The following LIPC variants were observed in gnomAD, a reference collection of about 807,000 sequenced individuals.
LIPC encodes the protein lipase C, hepatic type.
LIPC carries 44 observed loss-of-function variants against 50.7 expected under a neutral mutation model. That is an observed-to-expected ratio of 0.87 (90% CI 0.68 to 1.11). The LOEUF (loss-of-function observed/expected upper bound fraction) is 1.11, where lower values mean the gene tolerates loss of function less well. LIPC is among the 50% of genes most tolerant of loss of function. LIPC has a pLI of 0.00. For synonymous variants in LIPC, 271 were observed against 256.4 expected, an observed-to-expected ratio of 1.06 and a Z score of -0.54; for missense variants, 697 against 648.2, an observed-to-expected ratio of 1.08 and a Z score of -0.82.
chr15:58,542,122 C>T (rs1893351992), intron 3 of LIPC, among the ~76,000 whole-genome samples, 155 bp downstream of exon 3: 1 of 152,130 alleles, frequency 6.6e-6, no homozygotes, highest in African/African-American at 2.4e-5. Flanking sequence ...GACACCAGAC[C>T]CCAGGGCTCT....
chr15:58,511,292 G>A (rs895010217), intron 1 of LIPC, among the ~76,000 whole-genome samples: 1 of 152,122 alleles, frequency 6.6e-6, no homozygotes, highest in Admixed American at 6.5e-5. Context: ...CTCTGTCTCG[G>A]GGATCTGCCT....
chr15:58,508,693 A>C (rs1595907539), intron 1 of LIPC, among the ~76,000 whole-genome samples: 1 of 149,950 alleles, frequency 6.7e-6, no homozygotes, highest in Non-Finnish European at 1.5e-5. Flanking sequence ...TACGACTGAC[A>C]TAGTCCCCAA....
intron 8 of LIPC, 86 bp downstream of exon 8, chr15:58,563,809 A>G: frequency 9.2e-7 from 1 of 1,087,048 alleles, no homozygotes; most frequent in Non-Finnish European, 1.4e-6. Flanking sequence ...CACATTCATC[A>G]TGTGAGGTGA....
intron 6 of LIPC, among the ~76,000 whole-genome samples, chr15:58,554,045 C>T (rs2055566643): frequency 6.6e-6 from 1 of 151,874 alleles, no homozygotes; most frequent in African/African-American, 2.4e-5. Flanking sequence ...GTCATAATAT[C>T]TCCCAGAGCC....
chr15:58,507,898 AG>A (rs1316608807), intron 1 of LIPC, among the ~76,000 whole-genome samples: 1 of 152,156 alleles, frequency 6.6e-6, no homozygotes, highest in Non-Finnish European at 1.5e-5. Context: ...AATGATTTTT[AG>A]GGGGAGACGA....
chr15:58,526,090 ACTT>A (rs1362543727), intron 1 of LIPC, among the ~76,000 whole-genome samples: 2 of 152,218 alleles, frequency 1.3e-5, no homozygotes, highest in South Asian at 2.1e-4. Flanking sequence ...CCACTGGGCA[ACTT>A]CTTCTCAGAA....
rs546866581 is a variant in LIPC at position 58,447,628 on chromosome 15, T to A, written c.88+15508T>A. On this transcript the variant is annotated intron_variant, in intron 1 of 8. Coordinates refer to ENST00000299022, the MANE Select transcript of LIPC (RefSeq NM_000236.3). ...GTTTTAAGTTCTCCCAGCTTCAAAT[T>A]GTGCTTTCCAGGCCAGAGCTTCTCA... Among the ~76,000 whole-genome samples, 183 of 152,320 alleles carry A rather than the reference T, an allele frequency of 1.2e-3. 1 individual carries two copies. Among genetic ancestry groups the A allele is most frequent in the African/African-American group, 4.1e-3 (172 of 41,568 alleles).
chr15:58,511,186 A>C lies in LIPC; in HGVS notation c.89-27147A>C, dbSNP rs985207255. On this transcript the variant is annotated intron_variant, in intron 1 of 8. Transcript: ENST00000299022. ...GGTACAAAATACGAATTAAATGATT[A>C]TCCATGGTCTTGTGTAATTCTGGCA... is the stretch of plus-strand genomic sequence containing the variant. Among the ~76,000 whole-genome samples, 3 of 152,196 alleles carry C rather than the reference A, an allele frequency of 2.0e-5. No individual in the cohort carries two copies. In the East Asian group the frequency reaches 5.8e-4, roughly 29 times the overall value.
At chr15:58,491,741 T>C (rs527373430) in intron 1 of LIPC, among the ~76,000 whole-genome samples, 3 of 152,350 alleles carry the variant, frequency 2.0e-5, no homozygotes, top group African/African-American at 7.2e-5. Context: ...AGTGGGAAAC[T>C]GCCATTGCCT....
intron 1 of LIPC, among the ~76,000 whole-genome samples, chr15:58,481,703 C>A (rs1360991862): frequency 6.6e-6 from 1 of 152,166 alleles, no homozygotes; most frequent in East Asian, 1.9e-4. Context: ...GAGGCTGAGG[C>A]AGGGAGAATT....
intron 1 of LIPC, among the ~76,000 whole-genome samples, chr15:58,441,178 A>T (rs1442554137): frequency 6.6e-6 from 1 of 152,130 alleles, no homozygotes; most frequent in African/African-American, 2.4e-5. Context: ...ACCCGCAAAC[A>T]CTCAGCTTTT....
At chr15:58,548,895 C>G (rs1399697116) in intron 6 of LIPC, among the ~76,000 whole-genome samples, 1 of 152,218 alleles carries the variant, frequency 6.6e-6, no homozygotes, top group African/African-American at 2.4e-5. Context: ...CCACCCGGAT[C>G]TCACTGTACA....
chr15:58,452,243 A>G (rs1425260755), intron 1 of LIPC, among the ~76,000 whole-genome samples: 1 of 152,222 alleles, frequency 6.6e-6, no homozygotes, highest in Non-Finnish European at 1.5e-5. Flanking sequence ...CTCCTGAATC[A>G]GAAACTCTGG....
intron 1 of LIPC, among the ~76,000 whole-genome samples, chr15:58,500,500 C>T (rs1021093619): frequency 3.9e-5 from 6 of 152,194 alleles, no homozygotes; most frequent in Admixed American, 2.0e-4. Flanking sequence ...TGTCACCTTC[C>T]TTTTCTGAAA....
chr15:58,512,103 C>CT (rs1163187152), intron 1 of LIPC, among the ~76,000 whole-genome samples: 423 of 144,778 alleles, frequency 2.9e-3, no homozygotes, highest in Middle Eastern at 0.018. Flanking sequence ...TTTTCTTTTT[C>CT]TTTTTTTTTT....
At chr15:58,450,794 C>G (rs1396730799) in intron 1 of LIPC, among the ~76,000 whole-genome samples, 1 of 152,070 alleles carries the variant, frequency 6.6e-6, no homozygotes, top group East Asian at 1.9e-4. Context: ...TAAGAGCCCA[C>G]CGTGCTAGTT....
intron 1 of LIPC, among the ~76,000 whole-genome samples, chr15:58,442,027 C>T (rs1161951946): frequency 1.3e-5 from 2 of 152,090 alleles, no homozygotes; most frequent in Admixed American, 6.6e-5. Flanking sequence ...GCTGTGTTTT[C>T]GTGTAGTCTC....
At chr15:58,528,070 G>A (rs1010771599) in intron 1 of LIPC, among the ~76,000 whole-genome samples, 1 of 150,782 alleles carries the variant, frequency 6.6e-6, no homozygotes, top group African/African-American at 2.4e-5. Flanking sequence ...AACTCGAGAG[G>A]CAGAGGTTGC....
At chr15:58,464,270 C>T (rs1176302986) in intron 1 of LIPC, among the ~76,000 whole-genome samples, 1 of 152,112 alleles carries the variant, frequency 6.6e-6, no homozygotes, top group Non-Finnish European at 1.5e-5. Context: ...AGGAGCAGTA[C>T]TCATAACGCA....
Sources: gnomAD v4.1 joint callset for allele counts (sites outside exome capture counted in the v4.1 genomes callset) on GRCh38, gnomAD v4.1.1 for gene constraint, MANE v1.5 for transcripts, NCBI Gene and HGNC (gene_info 2026-07-23, HGNC 2026-07-21) for gene names.